The following LYPLAL1 variants were observed in gnomAD, a reference collection of about 807,000 sequenced individuals.
LYPLAL1 encodes lysophospholipase-like protein 1.
LYPLAL1 carries 23 observed loss-of-function variants against 19.7 expected under a neutral mutation model. The ratio of observed to expected loss-of-function variants is 1.17; its 90% confidence interval spans 0.84 to 1.65. The LOEUF (loss-of-function observed/expected upper bound fraction) is 1.65, where lower values mean the gene tolerates loss of function less well. Ranked by LOEUF, LYPLAL1 falls within the 40% of genes most tolerant of loss-of-function variation. LYPLAL1 has a pLI of 0.00. For missense variants in LYPLAL1, 355 were observed against 279.4 expected, an observed-to-expected ratio of 1.27 and a Z score of -1.93; for synonymous variants, 119 against 96.3, an observed-to-expected ratio of 1.24 and a Z score of -1.38.
chr1:219,335,482 A>C, the LYPLAL1 span, among the ~76,000 whole-genome samples: 1 of 151,970 alleles, frequency 6.6e-6, no homozygotes, highest in Non-Finnish European at 1.5e-5. Flanking sequence ...TGAAAAAAAA[A>C]CATTAGAATT....
the LYPLAL1 span, among the ~76,000 whole-genome samples, chr1:219,444,178 C>T: frequency 1.1e-3 from 164 of 152,320 alleles, 1 homozygote; most frequent in Middle Eastern, 0.01. Context: ...CTTACCCAGA[C>T]ACCTTGTTCC....
chr1:219,376,300 G>A, the LYPLAL1 span, among the ~76,000 whole-genome samples: 2 of 152,104 alleles, frequency 1.3e-5, no homozygotes, highest in African/African-American at 4.8e-5. Context: ...GAATAAAGTT[G>A]AACCTTTATC....
the LYPLAL1 span, among the ~76,000 whole-genome samples, chr1:219,296,359 G>A: frequency 2.0e-5 from 3 of 152,116 alleles, no homozygotes; most frequent in Non-Finnish European, 2.9e-5. Context: ...CTGAATAAAC[G>A]GTTAAATCTT....
At chr1:219,304,380 C>T in the LYPLAL1 span, among the ~76,000 whole-genome samples, 1 of 152,210 alleles carries the variant, frequency 6.6e-6, no homozygotes, top group Admixed American at 6.5e-5. Context: ...GCATTGATAA[C>T]ATCACTGGCA....
the LYPLAL1 span, among the ~76,000 whole-genome samples, chr1:219,388,797 T>C: frequency 6.6e-6 from 1 of 152,228 alleles, no homozygotes; most frequent in Admixed American, 6.5e-5. Context: ...TTTATAGAGA[T>C]GTATTGACAA....
the LYPLAL1 span, among the ~76,000 whole-genome samples, chr1:219,327,212 G>A: frequency 6.6e-6 from 1 of 152,164 alleles, no homozygotes; most frequent in African/African-American, 2.4e-5. Flanking sequence ...CAACATCACT[G>A]CTTCTCCTCC....
At chr1:219,176,778 T>C (rs912664725) in intron 1 of LYPLAL1, among the ~76,000 whole-genome samples, 1 of 152,198 alleles carries the variant, frequency 6.6e-6, no homozygotes. Flanking sequence ...ATTCATAGAT[T>C]CTATTTTTGA....
the LYPLAL1 span, among the ~76,000 whole-genome samples, chr1:219,226,170 T>C: frequency 6.6e-6 from 1 of 152,180 alleles, no homozygotes; most frequent in African/African-American, 2.4e-5. Flanking sequence ...TTATCTTTTC[T>C]TTTTTCTCTT....
chr1:219,261,419 C>G, the LYPLAL1 span, among the ~76,000 whole-genome samples: 9 of 152,096 alleles, frequency 5.9e-5, no homozygotes, highest in Non-Finnish European at 1.3e-4. Context: ...ATATTATAGT[C>G]AGTTGTCTTC....
chr1:219,388,048 A>G, the LYPLAL1 span, among the ~76,000 whole-genome samples: 1 of 152,176 alleles, frequency 6.6e-6, no homozygotes, highest in African/African-American at 2.4e-5. Context: ...TTATGTCCAC[A>G]GCAAATGTTT....
At chr1:219,214,905 G>T (rs1659232803), downstream of LYPLAL1, among the ~76,000 whole-genome samples, 1 of 151,890 alleles carries the variant, frequency 6.6e-6, no homozygotes, top group African/African-American at 2.4e-5. Flanking sequence ...GGCCAGGCTG[G>T]TCTCAAACTC....
At chr1:219,213,072 C>T (rs546404146), downstream of LYPLAL1, among the ~76,000 whole-genome samples, 1 of 152,132 alleles carries the variant, frequency 6.6e-6, no homozygotes, top group Non-Finnish European at 1.5e-5. Context: ...TTTATCCATT[C>T]AGTAAGTATA....
At chr1:219,237,671 T>A in the LYPLAL1 span, among the ~76,000 whole-genome samples, 1 of 152,244 alleles carries the variant, frequency 6.6e-6, no homozygotes, top group Admixed American at 6.5e-5. Context: ...TTTGTTTTTT[T>A]CAAATTTCAA....
chr1:219,311,046 T>C, the LYPLAL1 span, among the ~76,000 whole-genome samples: 1 of 152,220 alleles, frequency 6.6e-6, no homozygotes, highest in African/African-American at 2.4e-5. Flanking sequence ...ATCATTTTGG[T>C]TTATCCATTC....
chr1:219,255,590 T>C, the LYPLAL1 span, among the ~76,000 whole-genome samples: 1 of 152,048 alleles, frequency 6.6e-6, no homozygotes, highest in Non-Finnish European at 1.5e-5. Context: ...TGCCTTTGAT[T>C]TCTTTTTCTT....
the LYPLAL1 span, among the ~76,000 whole-genome samples, chr1:219,263,726 G>T: frequency 6.6e-6 from 1 of 152,200 alleles, no homozygotes; most frequent in South Asian, 2.1e-4. Flanking sequence ...TGCTTCTTCT[G>T]CTTTAATATT....
chr1:219,357,557 C>T, the LYPLAL1 span, among the ~76,000 whole-genome samples: 2 of 152,148 alleles, frequency 1.3e-5, no homozygotes, highest in South Asian at 4.1e-4. Flanking sequence ...AAGAAATTCT[C>T]ATTCATTGTT....
the LYPLAL1 span, among the ~76,000 whole-genome samples, chr1:219,235,311 G>A: frequency 0.24 from 36,966 of 151,964 alleles, 4,666 homozygotes; most frequent in Non-Finnish European, 0.29. Context: ...TTCTTAAAAC[G>A]GAAAACTTTT....
chr1:219,337,236 C>G, the LYPLAL1 span, among the ~76,000 whole-genome samples: 13 of 152,114 alleles, frequency 8.5e-5, no homozygotes, highest in South Asian at 1.2e-3. Context: ...ATCCCTTTTA[C>G]ATACAAGATA....
Sources: gnomAD v4.1 joint callset for allele counts (sites outside exome capture counted in the v4.1 genomes callset) on GRCh38, gnomAD v4.1.1 for gene constraint, MANE v1.5 for transcripts, NCBI Gene and HGNC (gene_info 2026-07-23, HGNC 2026-07-21) for gene names.